Variants in PTPN2 observed in about 807,000 individuals in gnomAD.
The protein encoded by PTPN2 is protein tyrosine phosphatase non-receptor type 2, also known as tyrosine-protein phosphatase non-receptor type 2.
A neutral mutation model predicts 57.3 loss-of-function variants in PTPN2; 19 were observed. The observed-to-expected ratio is 0.33, with a 90% CI of 0.23 to 0.49. PTPN2 has a LOEUF of 0.49. PTPN2 is among the 20% of genes least tolerant of loss of function. PTPN2 has a pLI of 0.99. For missense variants in PTPN2, 358 were observed against 501.1 expected (o/e 0.71, Z 2.73); for synonymous variants, 153 against 164.9 (o/e 0.93, Z 0.55).
rs2043495720 is a variant in PTPN2 at position 12,854,222 on chromosome 18, T to C, written c.160+4942A>G. Among the ~76,000 whole-genome samples the C allele has an allele frequency of 2.0e-5, 3 of 151,856 alleles. No individual in the cohort carries two copies. In the South Asian group the frequency reaches 6.2e-4, roughly 32 times the overall value. ...AAAAATCTAAAAAACTAGCTCAGCA[T>C]GGTGGCATGCACCTGTAGTCCCAGC... On this transcript the variant is annotated intron_variant, in intron 2 of 8. Coordinates refer to ENST00000309660, the MANE Select transcript of PTPN2 (RefSeq NM_002828.4).
At chr18:12,828,987 T>G (rs2042573975) in intron 4 of PTPN2, among the ~76,000 whole-genome samples, 1 of 152,154 alleles carries the variant, frequency 6.6e-6, no homozygotes, top group Non-Finnish European at 1.5e-5. Context: ...AGCCTTGACT[T>G]CCTGGCCTCA....
chr18:12,872,160 C>G (rs977923738), intron 1 of PTPN2: 1 of 152,114 alleles, frequency 6.6e-6, no homozygotes, highest in Admixed American at 6.5e-5. Context: ...TAGGGCTACC[C>G]TGATTGATGT....
At chr18:12,796,552 T>A (rs975957854) in intron 8 of PTPN2, among the ~76,000 whole-genome samples, 1 of 152,190 alleles carries the variant, frequency 6.6e-6, no homozygotes, top group Non-Finnish European at 1.5e-5. Context: ...ATGGTTCAGC[T>A]GCCACAGAAA....
chr18:12,809,073 G>A (rs868099366), intron 7 of PTPN2, among the ~76,000 whole-genome samples: 17 of 152,140 alleles, frequency 1.1e-4, no homozygotes, highest in African/African-American at 3.6e-4. Flanking sequence ...TATCAGGTAC[G>A]CTAGCAGCTC....
chr18:12,810,135 T>C (rs1260252279), intron 7 of PTPN2, among the ~76,000 whole-genome samples: 2 of 152,116 alleles, frequency 1.3e-5, no homozygotes, highest in Non-Finnish European at 2.9e-5. Flanking sequence ...TGAGCTGAGA[T>C]TGTGCCACTG....
intron 5 of PTPN2, chr18:12,819,172 CT>C: frequency 1.1e-6 from 1 of 909,240 alleles, no homozygotes; most frequent in East Asian, 2.9e-5. Flanking sequence ...AGGTATAATA[CT>C]AATAAAATAC....
At chr18:12,819,211 TACTTTTAGTGACCTTTTA>T in intron 5 of PTPN2, 1 of 1,378,568 alleles carries the variant, frequency 7.3e-7, no homozygotes, top group African/African-American at 1.5e-5. Flanking sequence ...AAAAAGTACA[TACTTTTAGTGACCTTTTA>T]ACATCCAGCA....
downstream of PTPN2, among the ~76,000 whole-genome samples, chr18:12,790,769 AGAG>A: frequency 6.6e-6 from 1 of 152,250 alleles, no homozygotes; most frequent in Non-Finnish European, 1.5e-5. Flanking sequence ...TTTAAGACAA[AGAG>A]GACAGGCACA....
At chr18:12,801,472 C>G (rs2041420911) in intron 8 of PTPN2, among the ~76,000 whole-genome samples, 1 of 151,918 alleles carries the variant, frequency 6.6e-6, no homozygotes, top group Non-Finnish European at 1.5e-5. Context: ...TGCCACCGCA[C>G]TCTAGCCTGG....
intron 7 of PTPN2, among the ~76,000 whole-genome samples, chr18:12,804,447 G>A (rs886992110): frequency 2.0e-5 from 3 of 147,236 alleles, no homozygotes; most frequent in East Asian, 2.0e-4. Flanking sequence ...AAAAAGAAAC[G>A]AAAGATCAAC....
At chr18:12,880,324 T>C (rs1490206074) in intron 1 of PTPN2, among the ~76,000 whole-genome samples, 4 of 151,870 alleles carry the variant, frequency 2.6e-5, no homozygotes, top group African/African-American at 9.7e-5. Context: ...GGCCATGAGG[T>C]CTTGTGAGCC....
At chr18:12,879,203 A>G (rs1248463031) in intron 1 of PTPN2, among the ~76,000 whole-genome samples, 2 of 152,180 alleles carry the variant, frequency 1.3e-5, no homozygotes, top group Admixed American at 1.3e-4. Flanking sequence ...CAGTGGCACA[A>G]TTATGGCTCA....
At chr18:12,804,060 G>A (rs1598745465) in intron 7 of PTPN2, among the ~76,000 whole-genome samples, 1 of 152,104 alleles carries the variant, frequency 6.6e-6, no homozygotes, top group Admixed American at 6.5e-5. Flanking sequence ...AGAACTTTGG[G>A]AGGTAGAGGC....
At position 12,793,103 on chromosome 18, in the gene PTPN2, T is replaced by C. The variant is rs1218337941; in HGVS notation, c.*1175A>G. 1.0e-6 allele frequency: 1 copy of C among 985,020 alleles called. No individual in the cohort carries two copies. Among genetic ancestry groups the C allele is most frequent in the African/African-American group, 1.7e-5 (1 of 57,228 alleles). The allele number at this position is 985,020 out of a possible 1,614,324, so 61.0% of individuals were successfully genotyped here. A position where few individuals can be genotyped will look rare whatever the true frequency, so the allele number is the denominator to read the frequency against. On this transcript the variant is annotated 3_prime_UTR_variant, in exon 9 of 9. Transcript: ENST00000309660. ...TATCCATGCCTCCTAGCAATTAAATTTGTAACAACAATTTCAAGTTTAAGT... is the reference window on the plus strand; with the variant it reads ...TATCCATGCCTCCTAGCAATTAAATCTGTAACAACAATTTCAAGTTTAAGT...
intron 1 of PTPN2, among the ~76,000 whole-genome samples, chr18:12,872,446 T>C (rs1201340972): frequency 6.6e-6 from 1 of 152,246 alleles, no homozygotes; most frequent in African/African-American, 2.4e-5. Flanking sequence ...GCATATTAAA[T>C]CAGACATACT....
intron 8 of PTPN2, among the ~76,000 whole-genome samples, chr18:12,797,554 T>G (rs1446930301): frequency 6.6e-6 from 1 of 152,152 alleles, no homozygotes; most frequent in Non-Finnish European, 1.5e-5. Context: ...AGGAATGGAC[T>G]AGAGACAAAT....
chr18:12,870,294 TATATGTGTATATATAC>T (rs2044155183), intron 1 of PTPN2, among the ~76,000 whole-genome samples: 1 of 72,708 alleles, frequency 1.4e-5, no homozygotes, highest in African/African-American at 7.5e-5. Flanking sequence ...CATATACATA[TATATGTGTATATATAC>T]ATATATATGT....
At position 12,793,857 on chromosome 18, in the gene PTPN2, T is replaced by C; in HGVS notation, c.*421A>G. ...ATAGTACATTATACATTACACACAT[T>C]ATTTAAATGTCATTTTCTTTCCAAT... On this transcript the variant is annotated 3_prime_UTR_variant, in exon 9 of 9. Coordinates refer to ENST00000309660, the MANE Select transcript of PTPN2 (RefSeq NM_002828.4). 1 of 1,025,942 alleles carries C rather than the reference T, an allele frequency of 9.7e-7. No homozygotes were observed. Among genetic ancestry groups the C allele is most frequent in the Non-Finnish European group, 1.2e-6 (1 of 849,376 alleles). The allele number at this position is 1,025,942 out of a possible 1,614,324, so 63.6% of individuals were successfully genotyped here. A position where few individuals can be genotyped will look rare whatever the true frequency, so the allele number is the denominator to read the frequency against.
chr18:12,794,588 T>C (rs1311932734), intron 8 of PTPN2, 103 bp from the exon 9 acceptor site: 9 of 1,373,758 alleles, frequency 6.6e-6, no homozygotes, highest in Non-Finnish European at 8.8e-6. Flanking sequence ...CACATAGTTT[T>C]CACCCTATTT....
Sources: gnomAD v4.1 joint callset for allele counts (sites outside exome capture counted in the v4.1 genomes callset) on GRCh38, gnomAD v4.1.1 for gene constraint, MANE v1.5 for transcripts, NCBI Gene and HGNC (gene_info 2026-07-23, HGNC 2026-07-21) for gene names.